Variants in FTCDNL1 observed in about 807,000 individuals in gnomAD.
FTCDNL1 encodes the protein formiminotransferase N-terminal subdomain-containing protein.
FTCDNL1 carries 11 observed loss-of-function variants against 5.9 expected under a neutral mutation model. The observed-to-expected ratio is 1.87, with a 90% confidence interval of 1.18 to 3.10. FTCDNL1 has a LOEUF of 3.10. FTCDNL1 is among the 30% of genes most tolerant of loss of function. The pLI, the probability that FTCDNL1 is intolerant of heterozygous loss-of-function variation, is 0.00. For synonymous variants in FTCDNL1, 58 were observed against 24.8 expected (o/e 2.34, Z -3.99); for missense variants, 115 against 65.5 (o/e 1.76, Z -2.61).
the FTCDNL1 span, among the ~76,000 whole-genome samples, chr2:199,681,722 C>A: frequency 6.6e-6 from 1 of 152,174 alleles, no homozygotes; most frequent in Admixed American, 6.5e-5. Flanking sequence ...TCACAAGACT[C>A]TTAGTGATGA....
At position 199,809,968 on chromosome 2, in the gene FTCDNL1, A is replaced by AT. The variant is rs1012807205; in HGVS notation, c.*2736dup. ...TATCTGATTTTATTTTGCTGATAATATTTTTTTCCATAACAAAAGTATTTA... is the reference window on the plus strand; with the variant it reads ...TATCTGATTTTATTTTGCTGATAATATTTTTTTTCCATAACAAAAGTATTTA... On this transcript the variant is annotated 3_prime_UTR_variant, in exon 5 of 5. Transcript: ENST00000420128. 6.7e-6 allele frequency among the ~76,000 whole-genome samples: 1 copy of AT among 149,612 alleles called. No homozygotes were observed. The highest frequency in any genetic ancestry group is 1.5e-5 in the Non-Finnish European group (1 of 67,488).
At chr2:199,830,995 T>C (rs1239014390) in intron 3 of FTCDNL1, among the ~76,000 whole-genome samples, 1 of 152,138 alleles carries the variant, frequency 6.6e-6, no homozygotes, top group Non-Finnish European at 1.5e-5. Flanking sequence ...CAGAAAACAA[T>C]TTAAGGGAAG....
the FTCDNL1 span, among the ~76,000 whole-genome samples, chr2:199,749,930 A>G: frequency 6.6e-6 from 1 of 151,824 alleles, no homozygotes; most frequent in African/African-American, 2.4e-5. Flanking sequence ...AAGACATCAC[A>G]GCGATGGACA....
chr2:199,702,414 G>A, the FTCDNL1 span, among the ~76,000 whole-genome samples: 12 of 152,086 alleles, frequency 7.9e-5, no homozygotes, highest in African/African-American at 1.2e-4. Context: ...CAACTCTTGC[G>A]ACCTTTGTAG....
intron 3 of FTCDNL1, among the ~76,000 whole-genome samples, chr2:199,801,209 C>A (rs1700427599): frequency 6.6e-6 from 1 of 152,178 alleles, no homozygotes; most frequent in Non-Finnish European, 1.5e-5. Flanking sequence ...ACTGGAAGAG[C>A]TGGTAATGAC....
the FTCDNL1 span, among the ~76,000 whole-genome samples, chr2:199,693,973 A>C: frequency 1.3e-5 from 2 of 152,208 alleles, no homozygotes; most frequent in Admixed American, 6.5e-5. Context: ...CTGAAGTGGG[A>C]AATGACCCCA....
downstream of FTCDNL1, among the ~76,000 whole-genome samples, chr2:199,758,070 A>G (rs1199428959): frequency 6.6e-6 from 1 of 152,176 alleles, no homozygotes; most frequent in Non-Finnish European, 1.5e-5. Flanking sequence ...AACATTCAGC[A>G]AAACAGGCAC....
the FTCDNL1 span, among the ~76,000 whole-genome samples, chr2:199,724,606 G>A: frequency 1.3e-5 from 2 of 152,222 alleles, no homozygotes; most frequent in South Asian, 4.1e-4. Context: ...TAGTTTCAAA[G>A]AACTTCTTGT....
chr2:199,810,832 T>C lies in FTCDNL1; in HGVS notation c.*1873A>G, dbSNP rs1700994276. On this transcript the variant is annotated 3_prime_UTR_variant, in exon 5 of 5. Transcript: ENST00000420128. ...TCATTCCTTAGCTACTATTTCAACA[T>C]TATTTTACTGTCATTACTTTTTCTT... Among the ~76,000 whole-genome samples the C allele has an allele frequency of 6.6e-6, 1 of 152,190 alleles. No individual in the cohort carries two copies. Among genetic ancestry groups the C allele is most frequent in the South Asian group, 2.1e-4 (1 of 4,816 alleles).
chr2:199,692,570 G>C, the FTCDNL1 span, among the ~76,000 whole-genome samples: 1 of 152,090 alleles, frequency 6.6e-6, no homozygotes, highest in Non-Finnish European at 1.5e-5. Flanking sequence ...TGGCCTTGTT[G>C]GTATATAGAT....
intron 3 of FTCDNL1, among the ~76,000 whole-genome samples, chr2:199,776,945 G>C (rs975142717): frequency 5.6e-5 from 8 of 141,924 alleles, no homozygotes; most frequent in South Asian, 2.3e-4. Flanking sequence ...CACACACACA[G>C]AGATGTGTGT....
chr2:199,718,008 A>C, the FTCDNL1 span, among the ~76,000 whole-genome samples: 23 of 152,028 alleles, frequency 1.5e-4, no homozygotes, highest in East Asian at 1.5e-3. Context: ...AACAAAAAAA[A>C]CGAAATCACT....
intron 3 of FTCDNL1, among the ~76,000 whole-genome samples, chr2:199,786,167 T>A (rs6739000): frequency 1.3e-5 from 2 of 151,540 alleles, no homozygotes; most frequent in Non-Finnish European, 1.5e-5. Context: ...TGAGGACCCC[T>A]GTCCTAAACA....
At chr2:199,782,657 C>A (rs1480329968) in intron 3 of FTCDNL1, among the ~76,000 whole-genome samples, 1 of 152,212 alleles carries the variant, frequency 6.6e-6, no homozygotes, top group Non-Finnish European at 1.5e-5. Flanking sequence ...CAGAACTCTT[C>A]CATTTCTCAC....
At chr2:199,670,903 C>A in the FTCDNL1 span, among the ~76,000 whole-genome samples, 1 of 152,122 alleles carries the variant, frequency 6.6e-6, no homozygotes, top group South Asian at 2.1e-4. Flanking sequence ...ATAAGGCTCA[C>A]ATGACAGTAG....
intron 3 of FTCDNL1, among the ~76,000 whole-genome samples, chr2:199,765,733 G>C (rs540514924): frequency 6.6e-6 from 1 of 151,120 alleles, no homozygotes; most frequent in African/African-American, 2.4e-5. Flanking sequence ...GGTAGAGACC[G>C]GGTTTCACCG....
At chr2:199,700,219 A>T in the FTCDNL1 span, among the ~76,000 whole-genome samples, 3 of 152,208 alleles carry the variant, frequency 2.0e-5, no homozygotes, top group Admixed American at 2.0e-4. Flanking sequence ...ATACAAAATC[A>T]ATGTACTAAA....
At chr2:199,820,755 G>A (rs1701633074) in intron 3 of FTCDNL1, among the ~76,000 whole-genome samples, 2 of 152,088 alleles carry the variant, frequency 1.3e-5, no homozygotes, top group South Asian at 2.1e-4. Context: ...AGAATTGCTG[G>A]GCTTTTCTAG....
chr2:199,827,403 T>C (rs769679181), intron 3 of FTCDNL1, among the ~76,000 whole-genome samples: 14 of 152,146 alleles, frequency 9.2e-5, no homozygotes, highest in Non-Finnish European at 1.6e-4. Flanking sequence ...GTATGAGCCA[T>C]GTTAGATCCA....
Sources: gnomAD v4.1 joint callset for allele counts (sites outside exome capture counted in the v4.1 genomes callset) on GRCh38, gnomAD v4.1.1 for gene constraint, MANE v1.5 for transcripts, NCBI Gene and HGNC (gene_info 2026-07-23, HGNC 2026-07-21) for gene names.